CCDC171: variants seen among roughly 807,000 people sequenced by gnomAD.
CCDC171 encodes coiled-coil domain-containing protein 171.
Under a neutral mutation model 168.2 loss-of-function variants are expected in CCDC171, and 177 were observed. That is an observed-to-expected ratio of 1.05 (90% confidence interval 0.93 to 1.19). CCDC171 has a LOEUF of 1.19. CCDC171 is among the 50% of genes most tolerant of loss of function. The pLI is 0.00. For synonymous variants in CCDC171, 687 were observed against 540.8 expected (o/e 1.27, Z -3.75); for missense variants, 1,991 against 1,539.0 (o/e 1.29, Z -4.91).
intron 25 of CCDC171, 111 bp downstream of exon 25, chr9:15,920,533 A>C (rs957674242): frequency 4.2e-5 from 31 of 745,372 alleles, no homozygotes; most frequent in Non-Finnish European, 8.1e-6. Flanking sequence ...ATTTAGGGTA[A>C]ATGATCAATC....
intron 3 of CCDC171, among the ~76,000 whole-genome samples, chr9:16,015,418 A>G (rs1223651397): frequency 6.6e-6 from 1 of 152,114 alleles, no homozygotes; most frequent in South Asian, 2.1e-4. Flanking sequence ...ACTAAAATTA[A>G]TGATCATAAA....
the CCDC171 span, among the ~76,000 whole-genome samples, chr9:16,066,794 T>C: frequency 1.3e-5 from 2 of 150,316 alleles, no homozygotes; most frequent in East Asian, 2.0e-4. Context: ...CATGAACTCA[T>C]CATTTTTTAT....
chr9:15,934,201 T>G (rs1294945305), intron 25 of CCDC171, among the ~76,000 whole-genome samples: 1 of 151,164 alleles, frequency 6.6e-6, no homozygotes, highest in African/African-American at 2.4e-5. Context: ...CCACCCTGGG[T>G]ACTATAGTGA....
intron 25 of CCDC171, among the ~76,000 whole-genome samples, chr9:15,951,285 C>A (rs1435052743): frequency 2.7e-5 from 4 of 150,546 alleles, no homozygotes; most frequent in South Asian, 2.2e-4. Flanking sequence ...TAATAGACAT[C>A]TACAGAACTC....
intron 18 of CCDC171, among the ~76,000 whole-genome samples, chr9:15,756,251 A>G (rs1337627479): frequency 6.6e-6 from 1 of 152,196 alleles, no homozygotes; most frequent in Non-Finnish European, 1.5e-5. Context: ...CCACCCTACC[A>G]TTACAAAGGA....
At chr9:15,813,830 G>A (rs954153482) in intron 21 of CCDC171, among the ~76,000 whole-genome samples, 2 of 152,142 alleles carry the variant, frequency 1.3e-5, no homozygotes, top group Non-Finnish European at 2.9e-5. Flanking sequence ...GAATAAGGAG[G>A]CCAAATGCCT....
rs761213961 is a variant in CCDC171, at chr9:15,724,749, A to G, written c.1492-27A>G. 1.7e-5 allele frequency: 26 copies of G among 1,564,950 alleles called. No individual in the cohort carries two copies. The South Asian group carries it at 1.9e-4, about 11-fold the overall frequency. On this transcript the variant is annotated intron_variant, in intron 13 of 25. Transcript: ENST00000380701. The stretch of plus-strand genomic sequence containing the variant: ...ACCCCTTGTTGGCTGGCCTTTCTAC[A>G]ATCTCTTTATTTGGTATCTATGACA...
At chr9:15,760,780 A>T (rs1220099221) in intron 18 of CCDC171, among the ~76,000 whole-genome samples, 1 of 152,172 alleles carries the variant, frequency 6.6e-6, no homozygotes, top group Non-Finnish European at 1.5e-5. Flanking sequence ...AACTTTGATG[A>T]TGAACTTATA....
chr9:15,671,462 A>G (rs372614553), intron 9 of CCDC171, among the ~76,000 whole-genome samples: 2 of 151,990 alleles, frequency 1.3e-5, no homozygotes, highest in South Asian at 2.1e-4. Context: ...ACTCGCTTAC[A>G]TTAGGTCTTC....
intron 3 of CCDC171, among the ~76,000 whole-genome samples, chr9:16,010,293 A>G (rs1387529143): frequency 6.6e-6 from 1 of 152,152 alleles, no homozygotes; most frequent in Non-Finnish European, 1.5e-5. Flanking sequence ...TTATAATTCT[A>G]TAATGTTCAA....
rs940692507 is a variant in CCDC171 at position 15,602,907 on chromosome 9, C to T, written c.675+8735C>T. 2.6e-5 allele frequency among the ~76,000 whole-genome samples: 4 copies of T among 152,104 alleles called. No homozygotes were observed. In the South Asian group the frequency reaches 8.3e-4, roughly 31 times the overall value. ...TCCTGACCTCAGGCGATCTGCCTGCCTCGGCCTCCCAAAGTGCTGAGATTA... is the reference window on the plus strand; with the variant it reads ...TCCTGACCTCAGGCGATCTGCCTGCTTCGGCCTCCCAAAGTGCTGAGATTA... On this transcript the variant is annotated intron_variant, in intron 6 of 25. Transcript: ENST00000380701.
chr9:15,725,936 T>A (rs995602487), intron 14 of CCDC171, among the ~76,000 whole-genome samples: 3 of 152,204 alleles, frequency 2.0e-5, no homozygotes, highest in Non-Finnish European at 4.4e-5. Context: ...AAAAATATTA[T>A]GACACAAATT....
chr9:15,627,185 C>T (rs181939070), intron 7 of CCDC171, among the ~76,000 whole-genome samples: 52 of 151,896 alleles, frequency 3.4e-4, no homozygotes, highest in Admixed American at 1.4e-3. Flanking sequence ...TTTTTTGTTG[C>T]GCCTATTTGA....
In CCDC171 at chr9:15,630,841, C is replaced by T. The variant is rs528781471; in HGVS notation, c.822+7428C>T. On this transcript the variant is annotated intron_variant, in intron 7 of 25. Transcript: ENST00000380701. ...ACTGTCTCTCAGACCACAGTGCAATCAAACTAGAACTCAGGATTAAGAAAC... is the reference window on the plus strand; with the variant it reads ...ACTGTCTCTCAGACCACAGTGCAATTAAACTAGAACTCAGGATTAAGAAAC... Among the ~76,000 whole-genome samples, 60 of 152,308 alleles carry T rather than the reference C, an allele frequency of 3.9e-4. 1 individual carries two copies. The East Asian group carries it at 7.5e-3, about 19-fold the overall frequency.
chr9:15,944,070 T>A (rs1479760435), intron 25 of CCDC171, among the ~76,000 whole-genome samples: 1 of 152,026 alleles, frequency 6.6e-6, no homozygotes, highest in African/African-American at 2.4e-5. Context: ...GATGTTTTTA[T>A]TTCTTTCTGC....
chr9:15,876,251 T>C (rs908623836), intron 24 of CCDC171, among the ~76,000 whole-genome samples: 1 of 152,138 alleles, frequency 6.6e-6, no homozygotes, highest in Non-Finnish European at 1.5e-5. Flanking sequence ...TCCATTGATA[T>C]GCTGTAATAT....
chr9:15,631,973 C>T (rs905745944), intron 7 of CCDC171, among the ~76,000 whole-genome samples: 1 of 152,136 alleles, frequency 6.6e-6, no homozygotes, highest in Non-Finnish European at 1.5e-5. Flanking sequence ...TTCAACAACC[C>T]TTCATGCTAA....
At chr9:15,607,540 C>T (rs1175580348) in intron 6 of CCDC171, among the ~76,000 whole-genome samples, 2 of 152,102 alleles carry the variant, frequency 1.3e-5, no homozygotes. Flanking sequence ...TGGTTCACTG[C>T]AACCTCTGCC....
chr9:15,978,279 A>G (rs767572799), downstream of CCDC171, among the ~76,000 whole-genome samples: 1 of 152,234 alleles, frequency 6.6e-6, no homozygotes, highest in African/African-American at 2.4e-5. Context: ...AGAGATTCCT[A>G]TGAAGCAGAG....
Sources: allele counts gnomAD v4.1 joint callset (sites outside exome capture counted in the v4.1 genomes callset), GRCh38; gene constraint gnomAD v4.1.1; transcripts MANE v1.5; gene names NCBI Gene and HGNC (gene_info 2026-07-23, HGNC 2026-07-21).